Variants in KCNIP1 observed in about 807,000 individuals in gnomAD.
KCNIP1 encodes the protein A-type potassium channel modulatory protein KCNIP1.
Under a neutral mutation model 33.0 loss-of-function variants are expected in KCNIP1, and 18 were observed. The ratio of observed to expected loss-of-function variants is 0.55; its 90% confidence interval spans 0.38 to 0.81. The LOEUF is 0.81. Ranked by LOEUF, KCNIP1 falls within the 30% of genes least tolerant of loss-of-function variation. KCNIP1 has a pLI of 0.00. For synonymous variants in KCNIP1, 93 were observed against 98.3 expected (o/e 0.95, Z 0.32); for missense variants, 238 against 271.6 (o/e 0.88, Z 0.87).
chr5:170,433,552 C>T (rs927537323), intron 1 of KCNIP1, among the ~76,000 whole-genome samples: 1 of 152,144 alleles, frequency 6.6e-6, no homozygotes, highest in Non-Finnish European at 1.5e-5. Flanking sequence ...AAATCCAAAG[C>T]TCATATACTC....
At chr5:170,543,530 T>G (rs553791714) in intron 1 of KCNIP1, among the ~76,000 whole-genome samples, 2 of 152,342 alleles carry the variant, frequency 1.3e-5, no homozygotes, top group East Asian at 1.9e-4. Context: ...GCATGGCACA[T>G]TTTTTAGACA....
chr5:170,622,705 G>A (rs1189338436), intron 1 of KCNIP1, among the ~76,000 whole-genome samples: 1 of 152,022 alleles, frequency 6.6e-6, no homozygotes, highest in Non-Finnish European at 1.5e-5. Context: ...GTGGGATGCA[G>A]CGCGAGGCTA....
intron 1 of KCNIP1, among the ~76,000 whole-genome samples, chr5:170,641,226 T>C (rs1760538314): frequency 6.6e-6 from 1 of 152,156 alleles, no homozygotes; most frequent in Non-Finnish European, 1.5e-5. Flanking sequence ...GGGAAGAGCC[T>C]CTTTCCCAGA....
At chr5:170,503,976 A>C, upstream of KCNIP1, 3 of 690,864 alleles carry the variant, frequency 4.3e-6, no homozygotes, top group African/African-American at 2.1e-5. Flanking sequence ...GCCCCTCCGT[A>C]GTTGCCCGCC....
intron 1 of KCNIP1, among the ~76,000 whole-genome samples, chr5:170,373,938 T>C (rs1472322502): frequency 6.6e-6 from 1 of 152,264 alleles, no homozygotes; most frequent in Non-Finnish European, 1.5e-5. Context: ...TTCCCTTCCA[T>C]GTGACAGGGC....
intron 1 of KCNIP1, among the ~76,000 whole-genome samples, chr5:170,423,513 A>G (rs903140838): frequency 6.6e-6 from 1 of 152,106 alleles, no homozygotes; most frequent in African/African-American, 2.4e-5. Flanking sequence ...AATAAGTCAT[A>G]TTGTCTTTAG....
chr5:170,712,854 A>G (rs1333212789), intron 1 of KCNIP1: 3 of 1,613,826 alleles, frequency 1.9e-6, no homozygotes, highest in South Asian at 2.2e-5. Context: ...TCTTTCCTAG[A>G]CATCGCCTGG....
At chr5:170,481,867 G>C (rs961171898) in intron 1 of KCNIP1, among the ~76,000 whole-genome samples, 1 of 152,190 alleles carries the variant, frequency 6.6e-6, no homozygotes, top group Non-Finnish European at 1.5e-5. Flanking sequence ...TCCATGGTGG[G>C]TTTTTCCCTG....
At chr5:170,427,483 A>G (rs1047477755) in intron 1 of KCNIP1, among the ~76,000 whole-genome samples, 1 of 152,178 alleles carries the variant, frequency 6.6e-6, no homozygotes, top group African/African-American at 2.4e-5. Flanking sequence ...AGGGGAAGCG[A>G]CTTCCCAGGT....
intron 1 of KCNIP1, among the ~76,000 whole-genome samples, chr5:170,530,927 A>G (rs73313472): frequency 0.12 from 17,585 of 152,126 alleles, 2,946 homozygotes; most frequent in African/African-American, 0.37. Context: ...AGAGGCCTCC[A>G]TGGTAGGGCT....
intron 1 of KCNIP1, among the ~76,000 whole-genome samples, chr5:170,470,981 C>T (rs575167697): frequency 1.3e-5 from 2 of 152,280 alleles, no homozygotes; most frequent in South Asian, 2.1e-4. Context: ...AACTCAGGGA[C>T]GTAGGTTGAG....
chr5:170,527,087 C>T (rs1048628377), intron 1 of KCNIP1, among the ~76,000 whole-genome samples: 2 of 152,074 alleles, frequency 1.3e-5, no homozygotes, highest in African/African-American at 4.8e-5. Context: ...GGGATGCTTC[C>T]CTTGTCCCTC....
At chr5:170,466,508 C>T (rs1756610780) in intron 1 of KCNIP1, among the ~76,000 whole-genome samples, 1 of 151,974 alleles carries the variant, frequency 6.6e-6, no homozygotes, top group Admixed American at 6.6e-5. Context: ...GATCTAGGGC[C>T]AAGGCTAAAA....
At chr5:170,427,078 T>A (rs963736522) in intron 1 of KCNIP1, among the ~76,000 whole-genome samples, 1 of 152,218 alleles carries the variant, frequency 6.6e-6, no homozygotes, top group Non-Finnish European at 1.5e-5. Context: ...GGGCTGCAGG[T>A]TCCCTGCTTT....
At chr5:170,400,304 G>A (rs576256230) in intron 1 of KCNIP1, among the ~76,000 whole-genome samples, 3 of 152,252 alleles carry the variant, frequency 2.0e-5, no homozygotes, top group East Asian at 1.9e-4. Flanking sequence ...TTACAATCAC[G>A]GAGGAAGGAG....
At chr5:170,381,205 A>C (rs188769) in intron 1 of KCNIP1, among the ~76,000 whole-genome samples, 79,212 of 151,926 alleles carry the variant, frequency 0.52, 21,056 homozygotes, top group African/African-American at 0.62. Flanking sequence ...TCATGGCCAA[A>C]CCCAGAAGCC....
chr5:170,412,452 G>A (rs895922102), intron 1 of KCNIP1, among the ~76,000 whole-genome samples: 1 of 152,124 alleles, frequency 6.6e-6, no homozygotes, highest in Non-Finnish European at 1.5e-5. Flanking sequence ...AGATTGATCT[G>A]GCCCTCCAAG....
intron 1 of KCNIP1, among the ~76,000 whole-genome samples, chr5:170,373,051 A>T (rs1016127383): frequency 1.3e-5 from 2 of 152,224 alleles, no homozygotes; most frequent in Non-Finnish European, 2.9e-5. Context: ...CTTTGCTTCC[A>T]TATACCTCCC....
chr5:170,600,296 C>T (rs577280596), intron 1 of KCNIP1, among the ~76,000 whole-genome samples: 1 of 152,342 alleles, frequency 6.6e-6, no homozygotes, highest in African/African-American at 2.4e-5. Context: ...GCCAATGCCA[C>T]ACGGAATGAC....
Sources: allele counts gnomAD v4.1 joint callset (sites outside exome capture counted in the v4.1 genomes callset), GRCh38; gene constraint gnomAD v4.1.1; transcripts MANE v1.5; gene names NCBI Gene and HGNC (gene_info 2026-07-23, HGNC 2026-07-21).